The following SIGIRR variants were observed in gnomAD, a reference collection of about 807,000 sequenced individuals.
The protein encoded by SIGIRR is single Ig and TIR domain containing.
In SIGIRR, 41 loss-of-function variants were observed where a neutral mutation model predicts 45.6. The observed-to-expected ratio is 0.90, with a 90% CI of 0.70 to 1.17. The LOEUF is 1.17. SIGIRR is among the 50% of genes most tolerant of loss of function. The pLI is 0.00. For missense variants in SIGIRR, 599 were observed against 539.6 expected (o/e 1.11, Z -1.09); for synonymous variants, 298 against 239.0 (o/e 1.25, Z -2.28).
intron 1 of SIGIRR, 132 bp downstream of exon 1, chr11:414,691 C>G: frequency 1.8e-6 from 1 of 558,274 alleles, no homozygotes; most frequent in Non-Finnish European, 2.3e-6. Flanking sequence ...TGATGCGACA[C>G]AGCCTCCTGC....
At chr11:410,174 C>T in intron 1 of SIGIRR, 147 bp from the exon 2 acceptor site, 1 of 680,034 alleles carries the variant, frequency 1.5e-6, no homozygotes, top group Non-Finnish European at 2.1e-6. Flanking sequence ...AGCAGGGTGT[C>T]TCTTTGAGCC....
At position 407,132 on chromosome 11, in the gene SIGIRR, G is replaced by T; in HGVS notation, c.658C>A (p.Arg220Ser). Residue 220 changes from arginine (R) to serine (S), a missense_variant, in exon 7 of 10, where the codon CGC becomes AGC. Transcript: ENST00000431843. ...AGCACCACGATGAGGCGTCGGCAGC[G>T]GCTCAGGTTCACCAAGAGGTCGGCG... ...PSADLLVNLS[R>S]CRRLIVVLSD... 1.9e-6 allele frequency: 3 copies of T among 1,555,740 alleles called. No homozygotes were observed. Among genetic ancestry groups the T allele is most frequent in the South Asian group, 2.4e-5 (2 of 84,662 alleles).
chr11:413,392 C>A (rs1000589995), intron 1 of SIGIRR, among the ~76,000 whole-genome samples: 13 of 151,968 alleles, frequency 8.6e-5, no homozygotes, highest in Admixed American at 5.2e-4. Flanking sequence ...CCAGGGGAAC[C>A]ACCCACTGAG....
In SIGIRR at chr11:405,735, A is replaced by T; in HGVS notation, c.*161T>A. On this transcript the variant is annotated 3_prime_UTR_variant, in exon 10 of 10. Transcript: ENST00000431843. ...CCCCAGCAGAATCCAAAAGGACTTT[A>T]TTTTCTGGCACTGGGAGGCGCCCTG... The T allele has an allele frequency of 1.2e-6, 1 of 806,576 alleles. No homozygotes were observed. The highest frequency in any genetic ancestry group is 1.9e-6 in the Non-Finnish European group (1 of 536,748). 50.0% of individuals were successfully genotyped at this position (806,576 alleles called of 1,614,324 possible). A position where few individuals can be genotyped will look rare whatever the true frequency, so the allele number is the denominator to read the frequency against.
rs559193483 is a variant in SIGIRR at position 406,928 on chromosome 11, C to T, written c.794G>A (p.Arg265Lys). The change falls in exon 8 of 10, where the codon AGG becomes AAG. Residue 265 changes from arginine to lysine, a missense_variant. Coordinates refer to ENST00000431843, the MANE Select transcript of SIGIRR (RefSeq NM_001135054.2). ...GAGCGCCGGGTGCGCGGGGTCGCGCCTCTGGCCCTCGAAGGTGATGAAGAT... is the reference window on the plus strand; with the variant it reads ...GAGCGCCGGGTGCGCGGGGTCGCGCTTCTGGCCCTCGAAGGTGATGAAGAT... ...RPIFITFEGQ[R>K]RDPAHPALRL... 8.1e-6 allele frequency: 13 copies of T among 1,599,528 alleles called. No homozygotes were observed. Among genetic ancestry groups the T allele is most frequent in the East Asian group, 6.7e-5 (3 of 44,506 alleles).
intron 2 of SIGIRR, chr11:409,346 A>ACT (rs1847488954): frequency 6.4e-6 from 2 of 311,402 alleles, no homozygotes; most frequent in Admixed American, 4.4e-5. Context: ...TTGGGGACCC[A>ACT]GATGCCCAGT....
At chr11:407,602 C>A in intron 5 of SIGIRR, 34 bp from the exon 6 acceptor site, 1 of 1,597,604 alleles carries the variant, frequency 6.3e-7, no homozygotes, top group Non-Finnish European at 8.5e-7. Flanking sequence ...CGATGGCTCC[C>A]GAGGCCTCAC....
chr11:406,928 C>A lies in SIGIRR; in HGVS notation c.794G>T (p.Arg265Met). The A allele has an allele frequency of 1.9e-6, 3 of 1,599,528 alleles. No homozygotes were observed. Among genetic ancestry groups the A allele is most frequent in the Non-Finnish European group, 2.5e-6 (3 of 1,177,252 alleles). The change falls in exon 8 of 10, where the codon AGG (arginine) becomes ATG (methionine). Residue 265 changes from arginine (R) to methionine (M), a missense_variant. By Grantham distance (91) the Arg-to-Met change is moderately conservative (BLOSUM62 -1). Transcript: ENST00000431843. The stretch of plus-strand genomic sequence containing the variant: ...GAGCGCCGGGTGCGCGGGGTCGCGC[C>A]TCTGGCCCTCGAAGGTGATGAAGAT... ...RPIFITFEGQ[R>M]RDPAHPALRL...
chr11:416,348 T>A (rs970761281), upstream of SIGIRR, among the ~76,000 whole-genome samples: 2 of 151,946 alleles, frequency 1.3e-5, no homozygotes, highest in Non-Finnish European at 2.9e-5. The surrounding 1 kb of genome is among the most constrained non-coding windows in gnomAD (Gnocchi z 9.1). Context: ...CTTCCCTCTC[T>A]CTGCTAACGT....
chr11:405,781 G>T lies in SIGIRR; in HGVS notation c.*115C>A. ...CCCTGAGGCCACAGCCTTTTCCCAG[G>T]GCTGCTGGCAGGGTCCCAGGGCTGC... On this transcript the variant is annotated 3_prime_UTR_variant, in exon 10 of 10. Coordinates refer to ENST00000431843, the MANE Select transcript of SIGIRR (RefSeq NM_001135054.2). 2 of 1,332,620 alleles carry T rather than the reference G, an allele frequency of 1.5e-6. No individual in the cohort carries two copies. The highest frequency in any genetic ancestry group is 2.0e-6 in the Non-Finnish European group (2 of 987,616). The allele number at this position is 1,332,620 out of a possible 1,614,324, so 82.5% of individuals were successfully genotyped here. A position where few individuals can be genotyped will look rare whatever the true frequency, so the allele number is the denominator to read the frequency against.
rs760499582 is a variant in SIGIRR at position 406,451 on chromosome 11, G to A, written c.967C>T (p.Gln323Ter). ...ATGGGGTCCTTGTCGTCCTGCAGCT[G>A]CGTCTGGGGGTCTCCTTCCACAGGC... is the stretch of plus-strand genomic sequence containing the variant. Reference protein sequence around the residue: ...YRPVEGDPQTQLQDDKDPMLI... With the variant: ...YRPVEGDPQT Residue 323 changes from glutamine (Q) to a stop codon, truncating the protein, a stop_gained, in exon 9 of 10, where the codon CAG (glutamine) becomes TAG (stop). Coordinates refer to ENST00000431843, the MANE Select transcript of SIGIRR (RefSeq NM_001135054.2). LOFTEE classifies it high-confidence loss of function. 4 of 1,612,732 alleles carry A rather than the reference G, an allele frequency of 2.5e-6. No individual in the cohort carries two copies. The highest frequency in any genetic ancestry group is 1.1e-5 in the South Asian group (1 of 91,092).
intron 2 of SIGIRR, 92 bp from the exon 3 acceptor site, chr11:408,985 T>G: frequency 8.4e-7 from 1 of 1,189,300 alleles, no homozygotes; most frequent in Non-Finnish European, 1.2e-6. Flanking sequence ...AAATAAGGCC[T>G]CTGTGTGGCT....
chr11:407,722 C>CCCTCCCCG, intron 5 of SIGIRR, 95 bp downstream of exon 5: 1 of 1,576,554 alleles, frequency 6.3e-7, no homozygotes, highest in South Asian at 1.2e-5. Context: ...GGGGGCTAAC[C>CCCTCCCCG]CCTCCCCGCC....
At chr11:409,308 T>A in intron 2 of SIGIRR, 1 of 355,352 alleles carries the variant, frequency 2.8e-6, no homozygotes, top group Non-Finnish European at 5.5e-6. Flanking sequence ...TGCTGGGGAA[T>A]CTGCAGAGAG....
chr11:417,244 C>T (rs1355578289), upstream of SIGIRR: 2 of 152,242 alleles, frequency 1.3e-5, no homozygotes, highest in East Asian at 3.9e-4. This position sits in a 1 kb window ranked among gnomAD's most constrained non-coding sequence, Gnocchi z 4.2. Context: ...CGCCCCGGGC[C>T]CCGACTCCAG....
rs1590375060 is a variant in SIGIRR, at chr11:408,090, AAGG to A, written c.320_322del (p.Ser107del). On this transcript the variant is annotated inframe_deletion, in exon 4 of 10. Coordinates refer to ENST00000431843, the MANE Select transcript of SIGIRR (RefSeq NM_001135054.2). ...CCCATCACCAGCTCTCTGAAGAGTG[AAGG>A]AGGAGAAGCTGATGTTCTGGATGGA... 1 of 1,612,754 alleles carries A rather than the reference AAGG, an allele frequency of 6.2e-7. No individual in the cohort carries two copies.
In SIGIRR at chr11:407,459, G is replaced by C. The variant is rs970785480; in HGVS notation, c.591C>G (p.Leu197=). The change falls in exon 6 of 10, where the codon CTC becomes CTG. Residue 197 remains leucine (L), a synonymous_variant. Coordinates refer to ENST00000431843, the MANE Select transcript of SIGIRR (RefSeq NM_001135054.2). ...PQLERRRGYK[L]FLDDRDLLPR... ...GCAGGAGGTCGCGGTCGTCCAGGAA[G>C]AGCTTGTAGCCCCGACGCCGCTCCA... 4 of 1,562,778 alleles carry C rather than the reference G, an allele frequency of 2.6e-6. No individual in the cohort carries two copies. In the African/African-American group the frequency reaches 5.5e-5, roughly 21 times the overall value.
At chr11:406,811 T>A (rs1326811310) in intron 8 of SIGIRR, 32 bp downstream of exon 8, 2 of 1,488,488 alleles carry the variant, frequency 1.3e-6, no homozygotes, top group East Asian at 4.9e-5. Context: ...AACCCGCCGC[T>A]AGCCCCGGAC....
At chr11:415,673 A>G (rs1297528091), upstream of SIGIRR, among the ~76,000 whole-genome samples, 3 of 152,160 alleles carry the variant, frequency 2.0e-5, no homozygotes, top group Non-Finnish European at 4.4e-5. The surrounding 1 kb of genome is among the most constrained non-coding windows in gnomAD (Gnocchi z 6.6). Flanking sequence ...CCTTCCCTTC[A>G]GGCTGGGGTG....
Sources: gnomAD v4.1 joint callset for allele counts (sites outside exome capture counted in the v4.1 genomes callset) on GRCh38, gnomAD v4.1.1 for gene constraint, Gnocchi (gnomAD v3.1) non-coding constraint, MANE v1.5 for transcripts, NCBI Gene and HGNC (gene_info 2026-07-23, HGNC 2026-07-21) for gene names.